ARMC12: variants seen among roughly 807,000 people sequenced by gnomAD.
ARMC12 encodes the protein armadillo repeat-containing protein 12.
Under a neutral mutation model 37.4 loss-of-function variants are expected in ARMC12, and 25 were observed. That is an observed-to-expected ratio of 0.67 (90% CI 0.49 to 0.93). The LOEUF (loss-of-function observed/expected upper bound fraction) is 0.93. ARMC12 is among the 40% of genes least tolerant of loss of function. ARMC12 has a pLI of 0.00. For synonymous variants in ARMC12, 167 were observed against 176.1 expected (o/e 0.95, Z 0.41); for missense variants, 384 against 426.6 (o/e 0.90, Z 0.88).
chr6:35,743,055 G>A (rs78747147), intron 3 of ARMC12, among the ~76,000 whole-genome samples: 1 of 152,056 alleles, frequency 6.6e-6, no homozygotes, highest in South Asian at 2.1e-4. Flanking sequence ...CCTGTCCTGC[G>A]GGTCGCCACG....
intron 3 of ARMC12, among the ~76,000 whole-genome samples, chr6:35,741,819 A>C (rs1169156522): frequency 6.6e-6 from 1 of 152,182 alleles, no homozygotes; most frequent in East Asian, 1.9e-4. Context: ...AAAAGCAAAC[A>C]CACAAAAGAA....
At chr6:35,732,393 T>G (rs995364947), upstream of ARMC12, among the ~76,000 whole-genome samples, 1 of 152,156 alleles carries the variant, frequency 6.6e-6, no homozygotes, top group Admixed American at 6.5e-5. Context: ...CAGCGGCACT[T>G]CCAGGCAGTA....
At chr6:35,737,021 C>G, upstream of ARMC12, 1 of 1,567,458 alleles carries the variant, frequency 6.4e-7, no homozygotes, top group Admixed American at 1.8e-5. Flanking sequence ...ACCCTGGTTC[C>G]TGACCCTGCC....
chr6:35,738,678 A>G (rs1425047829), intron 3 of ARMC12, among the ~76,000 whole-genome samples, 160 bp downstream of exon 3: 1 of 152,130 alleles, frequency 6.6e-6, no homozygotes. Context: ...CAGCAGGGTC[A>G]TGAAGGCCTT....
chr6:35,745,241 A>G (rs2151045180), intron 3 of ARMC12, among the ~76,000 whole-genome samples: 1 of 152,342 alleles, frequency 6.6e-6, no homozygotes, highest in Admixed American at 6.5e-5. Flanking sequence ...CAATCGGTGA[A>G]TGGTTAAACA....
the ARMC12 span, among the ~76,000 whole-genome samples, chr6:35,731,685 A>G: frequency 6.6e-5 from 10 of 151,362 alleles, no homozygotes; most frequent in Admixed American, 5.9e-4. Flanking sequence ...GAGTGTGGGT[A>G]CCCACCTCCA....
chr6:35,738,435 G>A lies in ARMC12; in HGVS notation c.361G>A (p.Asp121Asn). ...DIVLLGYMLD[D>N]KDNSVKTQAL... is the part of the protein sequence containing the mutation. ...CGTGTTGCTGGGCTACATGCTGGAT[G>A]ACAAGGACAACAGTGTCAAAACCCA... The change falls in exon 3 of 6, where the codon GAC becomes AAC. Residue 121 changes from aspartate (D) to asparagine (N), a missense_variant. By Grantham distance (23) the Asp-to-Asn change is conservative (BLOSUM62 1). Coordinates refer to ENST00000373866, the MANE Select transcript of ARMC12 (RefSeq NM_001286574.2). The A allele has an allele frequency of 6.2e-7, 1 of 1,613,928 alleles. No homozygotes were observed. The highest frequency in any genetic ancestry group is 1.6e-4 in the Middle Eastern group (1 of 6,062).
chr6:35,738,874 C>T (rs149544360), intron 3 of ARMC12, among the ~76,000 whole-genome samples: 2 of 152,252 alleles, frequency 1.3e-5, no homozygotes, highest in African/African-American at 4.8e-5. Context: ...GCAGACTTCA[C>T]AGGTTAAGGG....
At position 35,738,125 on chromosome 6, in the gene ARMC12, A is replaced by G; in HGVS notation, c.262A>G (p.Met88Val). The change falls in exon 2 of 6, where the codon ATG (methionine) becomes GTG (valine). Residue 88 changes from methionine to valine, a missense_variant. Transcript: ENST00000373866. ...ECKQDEYAKS[M>V]ILHSITRCVY... ...CAAACAGGATGAGTATGCCAAGAGCATGATCCTGCACAGTATCACTCGCTG... is the reference window on the plus strand; with the variant it reads ...CAAACAGGATGAGTATGCCAAGAGCGTGATCCTGCACAGTATCACTCGCTG... 1 of 1,614,040 alleles carries G rather than the reference A, an allele frequency of 6.2e-7. No homozygotes were observed. The highest frequency in any genetic ancestry group is 1.7e-5 in the Admixed American group (1 of 60,024).
At chr6:35,740,446 AC>A (rs1467566760) in intron 3 of ARMC12, among the ~76,000 whole-genome samples, 3 of 152,040 alleles carry the variant, frequency 2.0e-5, no homozygotes, top group African/African-American at 7.2e-5. Context: ...CTCCCATCTT[AC>A]AAAGCAAAAC....
At chr6:35,737,357 T>C in intron 1 of ARMC12, 86 bp downstream of exon 1, 1 of 1,614,008 alleles carries the variant, frequency 6.2e-7, no homozygotes, top group Non-Finnish European at 8.5e-7. Flanking sequence ...CCAAAGGTGA[T>C]GCCTCCAAGT....
chr6:35,735,755 G>T (rs1051471473), upstream of ARMC12: 1 of 152,264 alleles, frequency 6.6e-6, no homozygotes, highest in African/African-American at 2.4e-5. This position sits in a 1 kb window ranked among gnomAD's most constrained non-coding sequence, Gnocchi z 4.0. Flanking sequence ...GGAAGGGTCT[G>T]GTCTCACCTG....
chr6:35,738,191 C>A lies in ARMC12; in HGVS notation c.309+19C>A, dbSNP rs763626625. 12 of 1,606,552 alleles carry A rather than the reference C, an allele frequency of 7.5e-6. No homozygotes were observed. The highest frequency in any genetic ancestry group is 6.7e-5 in the African/African-American group (5 of 74,732). ...GGCTGAGGTAAGGGAAGCAGGAGGT[C>A]CCCCCTAGCCGGCCTGGCCCCTGGG... On this transcript the variant is annotated intron_variant, in intron 2 of 5. Transcript: ENST00000373866.
chr6:35,738,257 T>C, intron 2 of ARMC12, 85 bp downstream of exon 2: 1 of 1,011,370 alleles, frequency 9.9e-7, no homozygotes, highest in Admixed American at 2.1e-5. Context: ...CCAGACTATA[T>C]CCTGGGACCT....
At chr6:35,732,626 C>T (rs1211366849), upstream of ARMC12, among the ~76,000 whole-genome samples, 1 of 152,194 alleles carries the variant, frequency 6.6e-6, no homozygotes, top group Non-Finnish European at 1.5e-5. Context: ...CGTAGAGGAC[C>T]CCCAACAGTA....
intron 2 of ARMC12, 98 bp from the exon 3 acceptor site, chr6:35,738,284 GGT>G (rs1176528553): frequency 0.034 from 36,417 of 1,063,886 alleles, 373 homozygotes; most frequent in South Asian, 0.047. Context: ...GGCTGATAGC[GGT>G]GGGGGGGGGG....
upstream of ARMC12, among the ~76,000 whole-genome samples, chr6:35,734,805 A>G (rs1766915135): frequency 6.6e-6 from 1 of 152,084 alleles, no homozygotes; most frequent in South Asian, 2.1e-4. Context: ...CTGTCTCAAA[A>G]AAAAGAAAAA....
chr6:35,748,860 A>C lies in ARMC12; in HGVS notation c.1013A>C (p.Asn338Thr). 1 of 1,609,198 alleles carries C rather than the reference A, an allele frequency of 6.2e-7. No individual in the cohort carries two copies. Among genetic ancestry groups the C allele is most frequent in the Admixed American group, 1.7e-5 (1 of 58,706 alleles). The stretch of plus-strand genomic sequence containing the variant: ...CAGCCCAGTCGTTCCTACTTTAAAA[A>C]CACGGAATAAAATTAAGGAGAGCCA... The part of the protein sequence containing the change: ...SCQPSRSYFK[N>T]TE Residue 338 changes from asparagine to threonine, a missense_variant, in exon 6 of 6, where the codon AAC becomes ACC. By Grantham distance (65) the Asn-to-Thr change is moderately conservative. Transcript: ENST00000373866.
intron 3 of ARMC12, among the ~76,000 whole-genome samples, chr6:35,742,496 CAAAA>C (rs760070963): frequency 4.4e-4 from 19 of 43,432 alleles, no homozygotes; most frequent in South Asian, 1.2e-3. Context: ...GACTCTGTCT[CAAAA>C]AAAAAAAAAA....
Sources: allele counts gnomAD v4.1 joint callset (sites outside exome capture counted in the v4.1 genomes callset), GRCh38; gene constraint gnomAD v4.1.1; non-coding constraint Gnocchi (gnomAD v3.1); transcripts MANE v1.5; gene names NCBI Gene and HGNC (gene_info 2026-07-23, HGNC 2026-07-21).